CPNE8: variants seen among roughly 807,000 people sequenced by gnomAD.
CPNE8 encodes copine 8, also known as copine-8.
Under a neutral mutation model 81.5 loss-of-function variants are expected in CPNE8, and 45 were observed. The ratio of observed to expected loss-of-function variants is 0.55; its 90% CI spans 0.44 to 0.71. The LOEUF is 0.71. Ranked by LOEUF, CPNE8 falls within the 30% of genes least tolerant of loss-of-function variation. CPNE8 has a pLI of 0.00. For synonymous variants in CPNE8, 252 were observed against 226.3 expected (o/e 1.11, Z -1.02); for missense variants, 594 against 672.1 (o/e 0.88, Z 1.28).
intron 19 of CPNE8, among the ~76,000 whole-genome samples, chr12:38,668,264 GAT>G (rs1366557567): frequency 6.6e-6 from 1 of 152,172 alleles, no homozygotes; most frequent in Non-Finnish European, 1.5e-5. Context: ...ATGAAACAAA[GAT>G]AGAGAAATTT....
intron 1 of CPNE8, among the ~76,000 whole-genome samples, chr12:38,880,901 A>G (rs1437189704): frequency 6.6e-6 from 1 of 152,086 alleles, no homozygotes; most frequent in Non-Finnish European, 1.5e-5. Flanking sequence ...GTACAGGCAA[A>G]AAGGAAAGGT....
intron 6 of CPNE8, among the ~76,000 whole-genome samples, chr12:38,808,088 A>C (rs1490682813): frequency 6.6e-6 from 1 of 152,072 alleles, no homozygotes; most frequent in African/African-American, 2.4e-5. Flanking sequence ...GCAATCATTA[A>C]AAAGTCAGGA....
chr12:38,705,710 A>T (rs185582186), intron 13 of CPNE8, among the ~76,000 whole-genome samples: 1 of 152,258 alleles, frequency 6.6e-6, no homozygotes, highest in East Asian at 1.9e-4. Flanking sequence ...ACTGTGATAC[A>T]TGGCAGTAAG....
chr12:38,675,590 A>T (rs1294114896), intron 18 of CPNE8, 127 bp downstream of exon 18: 3 of 637,992 alleles, frequency 4.7e-6, no homozygotes, highest in East Asian at 2.7e-5. Flanking sequence ...GGACACATGA[A>T]CATTATATAC....
At chr12:38,813,456 T>C (rs1033061975) in intron 6 of CPNE8, among the ~76,000 whole-genome samples, 2 of 152,180 alleles carry the variant, frequency 1.3e-5, no homozygotes, top group Admixed American at 6.5e-5. Flanking sequence ...ATCACAGAAA[T>C]AAAATAGAGC....
chr12:38,855,947 C>A (rs1216501020), intron 3 of CPNE8, among the ~76,000 whole-genome samples: 1 of 151,682 alleles, frequency 6.6e-6, no homozygotes, highest in East Asian at 1.9e-4. Flanking sequence ...AAACAATGGA[C>A]AAGCCTTTAC....
chr12:38,795,905 T>TAGATAGAAGAC (rs1555160643), intron 6 of CPNE8, among the ~76,000 whole-genome samples: 4,655 of 148,172 alleles, frequency 0.031, 230 homozygotes, highest in African/African-American at 0.11. Flanking sequence ...AGATAGAAGA[T>TAGATAGAAGAC]AGATAATACA....
At chr12:38,730,195 G>T in intron 11 of CPNE8, 88 bp downstream of exon 11, 1 of 810,914 alleles carries the variant, frequency 1.2e-6, no homozygotes, top group Non-Finnish European at 2.1e-6. Flanking sequence ...GTTAACCTTT[G>T]GCAATTATGC....
intron 7 of CPNE8, among the ~76,000 whole-genome samples, chr12:38,771,682 T>C (rs1369976969): frequency 6.6e-6 from 1 of 152,210 alleles, no homozygotes; most frequent in Non-Finnish European, 1.5e-5. Context: ...CTATAGAGTA[T>C]CCATCTAAAG....
At chr12:38,854,187 A>G (rs1474441017) in intron 3 of CPNE8, among the ~76,000 whole-genome samples, 1 of 151,914 alleles carries the variant, frequency 6.6e-6, no homozygotes, top group Non-Finnish European at 1.5e-5. Context: ...TGCATGAAGG[A>G]TACCAAACAT....
At chr12:38,888,390 G>C (rs1944265495) in intron 1 of CPNE8, among the ~76,000 whole-genome samples, 1 of 152,198 alleles carries the variant, frequency 6.6e-6, no homozygotes, top group Admixed American at 6.5e-5. Context: ...TAACATGCTT[G>C]TAAAGGTAAG....
At chr12:38,779,971 C>T (rs1039580944) in intron 6 of CPNE8, among the ~76,000 whole-genome samples, 2 of 152,014 alleles carry the variant, frequency 1.3e-5, no homozygotes, top group African/African-American at 4.8e-5. Context: ...GAAGTAAATC[C>T]AAGCTGTCAT....
chr12:38,873,135 C>A, intron 2 of CPNE8, 85 bp from the exon 3 acceptor site: 3 of 796,208 alleles, frequency 3.8e-6, no homozygotes, highest in Non-Finnish European at 4.1e-6. Context: ...TTCAGCTGTT[C>A]AAAAGCTACA....
In CPNE8 at chr12:38,653,620, A is replaced by AAAAAAAAAAAAAAAAG; in HGVS notation, c.*261_*262insCTTTTTTTTTTTTTTT. On this transcript the variant is annotated 3_prime_UTR_variant, in exon 20 of 20. Transcript: ENST00000331366. The stretch of plus-strand genomic sequence containing the variant: ...ATTGGAAATTAGCTGTTTCTGTTAA[A>AAAAAAAAAAAAAAAAG]AAAAAAAAGAAAGAAAGATTTAGAG... 1 of 274,376 alleles carries AAAAAAAAAAAAAAAAG rather than the reference A, an allele frequency of 3.6e-6. No homozygotes were observed. The highest frequency in any genetic ancestry group is 2.2e-5 in the African/African-American group (1 of 46,412). 17.0% of individuals were successfully genotyped at this position (274,376 alleles called of 1,614,324 possible).
At chr12:38,796,415 A>T (rs1034261881) in intron 6 of CPNE8, among the ~76,000 whole-genome samples, 7 of 152,232 alleles carry the variant, frequency 4.6e-5, no homozygotes, top group African/African-American at 7.2e-5. Flanking sequence ...AAAAATGATA[A>T]AAGATTGATG....
intron 10 of CPNE8, among the ~76,000 whole-genome samples, chr12:38,734,098 C>T (rs1198163716): frequency 6.6e-6 from 1 of 151,918 alleles, no homozygotes; most frequent in African/African-American, 2.4e-5. Context: ...TTATATTAAA[C>T]CCATCAATTC....
intron 1 of CPNE8, among the ~76,000 whole-genome samples, chr12:38,885,359 T>A (rs180678110): frequency 6.6e-6 from 1 of 152,268 alleles, no homozygotes; most frequent in Non-Finnish European, 1.5e-5. Context: ...ATATATTTGG[T>A]CACTCACATT....
At chr12:38,881,164 C>T (rs1040358571) in intron 1 of CPNE8, among the ~76,000 whole-genome samples, 9 of 149,952 alleles carry the variant, frequency 6.0e-5, no homozygotes, top group Admixed American at 1.3e-4. Flanking sequence ...GAGCCGAGAT[C>T]GCACCACTGC....
chr12:38,758,210 C>T (rs862331), intron 10 of CPNE8, among the ~76,000 whole-genome samples: 14,806 of 151,846 alleles, frequency 0.098, 934 homozygotes, highest in East Asian at 0.25. Context: ...TTAATCTAAG[C>T]CACCTCTTTT....
Sources: gnomAD v4.1 joint callset for allele counts (sites outside exome capture counted in the v4.1 genomes callset) on GRCh38, gnomAD v4.1.1 for gene constraint, MANE v1.5 for transcripts, NCBI Gene and HGNC (gene_info 2026-07-23, HGNC 2026-07-21) for gene names.